The following FGF2 variants were observed in gnomAD, a reference collection of about 807,000 sequenced individuals.
FGF2 encodes the protein basic fibroblast growth factor bFGF.
FGF2 carries 13 observed loss-of-function variants against 15.9 expected under a neutral mutation model. The observed-to-expected ratio is 0.82, with a 90% CI of 0.53 to 1.30. The LOEUF (loss-of-function observed/expected upper bound fraction) is 1.30. FGF2 is among the 50% of genes most tolerant of loss of function. The pLI is 0.00. For missense variants in FGF2, 163 were observed against 196.9 expected, an observed-to-expected ratio of 0.83 and a Z score of 1.03; for synonymous variants, 90 against 78.4, an observed-to-expected ratio of 1.15 and a Z score of -0.78.
chr4:122,852,188 A>G (rs1276300379), intron 1 of FGF2, among the ~76,000 whole-genome samples: 3 of 152,220 alleles, frequency 2.0e-5, no homozygotes, highest in East Asian at 3.8e-4. Flanking sequence ...GTGCAACTGC[A>G]TAGTTCCCCT....
At chr4:122,848,263 T>A (rs1250046624) in intron 1 of FGF2, among the ~76,000 whole-genome samples, 1 of 152,254 alleles carries the variant, frequency 6.6e-6, no homozygotes, top group Non-Finnish European at 1.5e-5. Context: ...CCATGGCTAG[T>A]GCCTTCCAGG....
At chr4:122,858,790 T>C (rs1726394511) in intron 1 of FGF2, among the ~76,000 whole-genome samples, 1 of 152,094 alleles carries the variant, frequency 6.6e-6, no homozygotes, top group African/African-American at 2.4e-5. Context: ...GATTGGATGA[T>C]GGCTGATGGA....
chr4:122,845,008 C>G (rs1298354908), intron 1 of FGF2, among the ~76,000 whole-genome samples: 1 of 152,200 alleles, frequency 6.6e-6, no homozygotes, highest in East Asian at 1.9e-4. Context: ...TATACCCTTA[C>G]AAAATACATT....
At chr4:122,846,758 A>G (rs1164196575) in intron 1 of FGF2, among the ~76,000 whole-genome samples, 2 of 152,164 alleles carry the variant, frequency 1.3e-5, no homozygotes, top group Non-Finnish European at 1.5e-5. Flanking sequence ...ATTTATGCAA[A>G]ATTTTCTGAG....
chr4:122,838,338 T>C (rs1380078891), intron 1 of FGF2, among the ~76,000 whole-genome samples: 3 of 152,202 alleles, frequency 2.0e-5, no homozygotes, highest in African/African-American at 7.2e-5. Flanking sequence ...CCTAGGACCC[T>C]GATATTTACC....
chr4:122,867,152 G>A (rs547916340), intron 1 of FGF2, among the ~76,000 whole-genome samples: 1 of 152,304 alleles, frequency 6.6e-6, no homozygotes, highest in South Asian at 2.1e-4. Context: ...TGGTATTAGG[G>A]ACGTGTAAAA....
intron 1 of FGF2, among the ~76,000 whole-genome samples, chr4:122,843,830 G>T (rs748300072): frequency 1.4e-4 from 21 of 152,278 alleles, no homozygotes; most frequent in South Asian, 8.3e-4. Flanking sequence ...TTCGTGAAAA[G>T]ATACTGTATT....
chr4:122,833,636 A>G (rs1725809080), intron 1 of FGF2, among the ~76,000 whole-genome samples: 2 of 152,298 alleles, frequency 1.3e-5, no homozygotes, highest in Middle Eastern at 3.4e-3. Flanking sequence ...AAAGCTCAGT[A>G]CTTTTTACTC....
At chr4:122,863,656 C>T (rs1422774281) in intron 1 of FGF2, among the ~76,000 whole-genome samples, 4 of 152,214 alleles carry the variant, frequency 2.6e-5, no homozygotes, top group African/African-American at 4.8e-5. Context: ...CTGTAGTCTC[C>T]TAGCACCTGT....
At chr4:122,861,680 T>G (rs370924506) in intron 1 of FGF2, among the ~76,000 whole-genome samples, 1 of 152,134 alleles carries the variant, frequency 6.6e-6, no homozygotes, top group East Asian at 1.9e-4. Flanking sequence ...TATTACACAC[T>G]ACCAAACTCC....
chr4:122,828,510 A>T (rs2922981), intron 1 of FGF2, among the ~76,000 whole-genome samples: 5,982 of 152,230 alleles, frequency 0.039, 314 homozygotes, highest in South Asian at 0.12. Context: ...AAAGACCCAC[A>T]GGGGTCCCAG....
intron 1 of FGF2, among the ~76,000 whole-genome samples, chr4:122,828,580 G>A (rs1183582058): frequency 6.6e-6 from 1 of 152,178 alleles, no homozygotes; most frequent in Admixed American, 6.5e-5. Flanking sequence ...CATGAGGGGA[G>A]GTGGAGGGGG....
chr4:122,883,699 A>G (rs892699919), intron 2 of FGF2, among the ~76,000 whole-genome samples: 9 of 152,192 alleles, frequency 5.9e-5, no homozygotes, highest in African/African-American at 1.9e-4. Flanking sequence ...AATGACCTCA[A>G]TGTTAGCATT....
intron 2 of FGF2, among the ~76,000 whole-genome samples, chr4:122,881,611 C>T (rs996644284): frequency 6.6e-6 from 1 of 152,176 alleles, no homozygotes; most frequent in East Asian, 1.9e-4. Flanking sequence ...TTTGAGACCT[C>T]CTCAGCCTGG....
At chr4:122,836,689 A>C (rs1336972659) in intron 1 of FGF2, among the ~76,000 whole-genome samples, 2 of 152,144 alleles carry the variant, frequency 1.3e-5, no homozygotes, top group Non-Finnish European at 2.9e-5. Flanking sequence ...GAAAAGGTTC[A>C]CTCTATATTT....
chr4:122,840,372 T>A (rs1725954045), intron 1 of FGF2: 1 of 152,286 alleles, frequency 6.6e-6, no homozygotes, highest in Admixed American at 6.5e-5. Flanking sequence ...ATAATGGTCA[T>A]GCCAAAAAAG....
intron 1 of FGF2, among the ~76,000 whole-genome samples, chr4:122,856,690 C>T (rs1389646349): frequency 6.6e-6 from 1 of 152,128 alleles, no homozygotes; most frequent in East Asian, 1.9e-4. Flanking sequence ...ATAATACAGG[C>T]AGATTCCTTG....
At chr4:122,888,152 C>T (rs1179106990) in intron 2 of FGF2, among the ~76,000 whole-genome samples, 2 of 152,184 alleles carry the variant, frequency 1.3e-5, no homozygotes, top group Admixed American at 1.3e-4. Flanking sequence ...GCAAGTTTAT[C>T]ATTCTAGAAC....
chr4:122,831,260 T>G (rs1224147927), intron 1 of FGF2, among the ~76,000 whole-genome samples: 1 of 152,168 alleles, frequency 6.6e-6, no homozygotes, highest in Admixed American at 6.6e-5. Context: ...GCGCTCTTCA[T>G]TCCACCATAG....
Sources: gnomAD v4.1 joint callset for allele counts (sites outside exome capture counted in the v4.1 genomes callset) on GRCh38, gnomAD v4.1.1 for gene constraint, MANE v1.5 for transcripts, NCBI Gene and HGNC (gene_info 2026-07-23, HGNC 2026-07-21) for gene names.